CAMSAP1: variants seen among roughly 807,000 people sequenced by gnomAD.
CAMSAP1 encodes the protein calmodulin regulated spectrin associated protein 1, also known as calmodulin-regulated spectrin-associated protein 1.
CAMSAP1 carries 58 observed loss-of-function variants against 143.5 expected under a neutral mutation model. That is an observed-to-expected ratio of 0.40 (90% CI 0.33 to 0.50). CAMSAP1 has a LOEUF of 0.50. CAMSAP1 is among the 20% of genes least tolerant of loss of function. CAMSAP1 has a pLI of 0.45. For missense variants in CAMSAP1, 1,969 were observed against 2,115.7 expected, an observed-to-expected ratio of 0.93 and a Z score of 1.36; for synonymous variants, 945 against 859.3, an observed-to-expected ratio of 1.10 and a Z score of -1.74.
chr9:135,872,629 G>C (rs1272901155), intron 3 of CAMSAP1, among the ~76,000 whole-genome samples: 2 of 152,144 alleles, frequency 1.3e-5, no homozygotes, highest in Non-Finnish European at 2.9e-5. Flanking sequence ...ACTTTAAAGA[G>C]AAAGACAACA....
intron 1 of CAMSAP1, among the ~76,000 whole-genome samples, chr9:135,887,058 G>C (rs760980049): frequency 2.0e-5 from 3 of 152,172 alleles, no homozygotes; most frequent in Non-Finnish European, 2.9e-5. Flanking sequence ...GGACCAGCTG[G>C]AGACGTGCTT....
chr9:135,889,086 T>C (rs1838215309), intron 1 of CAMSAP1, among the ~76,000 whole-genome samples: 1 of 152,080 alleles, frequency 6.6e-6, no homozygotes, highest in Admixed American at 6.5e-5. Context: ...CTGTGTCACA[T>C]CCTGGCCACT....
In CAMSAP1 at chr9:135,833,509, AGGTATAC is replaced by A. The variant is rs958721528; in HGVS notation, c.1046-5932_1046-5926del. On this transcript the variant is annotated intron_variant, in intron 7 of 16. Coordinates refer to ENST00000389532, the MANE Select transcript of CAMSAP1 (RefSeq NM_015447.4). Reference sequence around the variant, plus strand: ...GACACAAGCCAATGAAACAGAATTGAGGTATACGGTTAACTAATCTTTGACAAAGGTG... The same window carrying A: ...GACACAAGCCAATGAAACAGAATTGAGGTTAACTAATCTTTGACAAAGGTG... 9.7e-4 allele frequency among the ~76,000 whole-genome samples: 148 copies of A among 152,354 alleles called. 1 individual carries two copies. The highest frequency in any genetic ancestry group is 3.5e-3 in the African/African-American group (146 of 41,570).
At chr9:135,875,835 A>G (rs912352309) in intron 3 of CAMSAP1, among the ~76,000 whole-genome samples, 1 of 152,268 alleles carries the variant, frequency 6.6e-6, no homozygotes, top group African/African-American at 2.4e-5. Context: ...AAAAACGTCT[A>G]GAAGAAAACA....
intron 1 of CAMSAP1, among the ~76,000 whole-genome samples, chr9:135,887,185 C>CA: frequency 2.0e-5 from 3 of 152,260 alleles, no homozygotes; most frequent in Non-Finnish European, 4.4e-5. Flanking sequence ...GCCCACGGGA[C>CA]AGATGTCGGG....
At chr9:135,875,091 G>C (rs902317417) in intron 3 of CAMSAP1, among the ~76,000 whole-genome samples, 2 of 152,084 alleles carry the variant, frequency 1.3e-5, no homozygotes, top group Non-Finnish European at 2.9e-5. Context: ...CAATTCTCCC[G>C]AAATTCATCT....
intron 3 of CAMSAP1, among the ~76,000 whole-genome samples, chr9:135,878,725 T>C (rs1030072388): frequency 1.3e-5 from 2 of 152,054 alleles, no homozygotes; most frequent in African/African-American, 4.8e-5. Context: ...AACTCGCACT[T>C]CCTACACACC....
chr9:135,818,765 C>CT lies in CAMSAP1; in HGVS notation c.3960-150dup, dbSNP rs1042677652. ...AGCCTCCACAAGCGGGACACAGAGG[C>CT]TGCAAAGGCAGTCCTGCAGATGACC... On this transcript the variant is annotated intron_variant, in intron 12 of 16. Coordinates refer to ENST00000389532, the MANE Select transcript of CAMSAP1 (RefSeq NM_015447.4). This position sits in a 1 kb window ranked among gnomAD's most constrained non-coding sequence, Gnocchi z 7.7. The CT allele has an allele frequency of 6.2e-6, 7 of 1,124,132 alleles. No individual in the cohort carries two copies. The African/African-American group carries it at 1.1e-4, about 18-fold the overall frequency. The allele number at this position is 1,124,132 out of a possible 1,614,324, so 69.6% of individuals were successfully genotyped here. A position where few individuals can be genotyped will look rare whatever the true frequency, so the allele number is the denominator to read the frequency against.
chr9:135,879,795 T>C (rs968936158), intron 3 of CAMSAP1, among the ~76,000 whole-genome samples: 53 of 151,988 alleles, frequency 3.5e-4, no homozygotes, highest in African/African-American at 1.3e-3. Flanking sequence ...GGAGACAACT[T>C]GACCTCCAGC....
intron 1 of CAMSAP1, among the ~76,000 whole-genome samples, chr9:135,884,639 C>T (rs898857635): frequency 2.0e-5 from 3 of 152,184 alleles, no homozygotes; most frequent in African/African-American, 7.2e-5. Flanking sequence ...TACTTGCTGA[C>T]CACATCGAGT....
At position 135,818,534 on chromosome 9, in the gene CAMSAP1, T is replaced by C; in HGVS notation, c.4042A>G (p.Lys1348Glu). ...TGCTCCTCTAGGATCTGCTGCTGCT[T>C]CCTCCGCAGGTACTCCTGCTTGATG... ...ELIKQEYLRR[K>E]QQQILEEQGL... The change falls in exon 13 of 17, where the codon AAG (lysine) becomes GAG (glutamate). Residue 1348 changes from lysine to glutamate, a missense_variant. Transcript: ENST00000389532. The surrounding 1 kb of genome is among the most constrained non-coding windows in gnomAD (Gnocchi z 7.7). 1 of 1,612,828 alleles carries C rather than the reference T, an allele frequency of 6.2e-7. No individual in the cohort carries two copies. Among genetic ancestry groups the C allele is most frequent in the Non-Finnish European group, 8.5e-7 (1 of 1,179,806 alleles).
At chr9:135,817,944 G>A in intron 14 of CAMSAP1, 33 bp downstream of exon 14, 1 of 1,594,262 alleles carries the variant, frequency 6.3e-7, no homozygotes, top group Non-Finnish European at 8.6e-7. Context: ...ACGTCCTCCA[G>A]CCCCGTGCCG....
chr9:135,869,318 C>T (rs1837489845), intron 3 of CAMSAP1, among the ~76,000 whole-genome samples: 1 of 151,580 alleles, frequency 6.6e-6, no homozygotes, highest in Non-Finnish European at 1.5e-5. Context: ...GCCTGGGCAA[C>T]ATGACGAAAC....
intron 1 of CAMSAP1, among the ~76,000 whole-genome samples, chr9:135,886,062 A>C (rs944756274): frequency 6.1e-3 from 348 of 57,320 alleles, no homozygotes; most frequent in Non-Finnish European, 0.013. Flanking sequence ...ATACCTACTT[A>C]AAAAAAAAAA....
At chr9:135,887,475 G>C (rs1838161340) in intron 1 of CAMSAP1, among the ~76,000 whole-genome samples, 1 of 152,196 alleles carries the variant, frequency 6.6e-6, no homozygotes, top group Admixed American at 6.5e-5. Context: ...AAAAAGATGT[G>C]TCTGCTTTAA....
chr9:135,828,914 A>C (rs1588451963), intron 7 of CAMSAP1, among the ~76,000 whole-genome samples: 2 of 152,246 alleles, frequency 1.3e-5, no homozygotes, highest in Middle Eastern at 3.4e-3. Flanking sequence ...AAACGCTGAA[A>C]GGACGGGAAA....
intron 1 of CAMSAP1, among the ~76,000 whole-genome samples, chr9:135,887,135 G>A (rs1838149331): frequency 6.6e-6 from 1 of 152,186 alleles, no homozygotes; most frequent in Admixed American, 6.5e-5. Context: ...AGAGCCGGGC[G>A]CAGTGGGAGA....
chr9:135,813,725 G>C (rs1000514055), intron 16 of CAMSAP1, among the ~76,000 whole-genome samples: 1 of 152,194 alleles, frequency 6.6e-6, no homozygotes, highest in African/African-American at 2.4e-5. Context: ...TGGCAAGACA[G>C]GAGGGCCTCC....
At chr9:135,906,066 C>T (rs1337930423) in intron 1 of CAMSAP1, among the ~76,000 whole-genome samples, 1 of 152,218 alleles carries the variant, frequency 6.6e-6, no homozygotes, top group African/African-American at 2.4e-5. Context: ...GTTATTTAAT[C>T]CCTAAAACTT....
Sources: allele counts gnomAD v4.1 joint callset (sites outside exome capture counted in the v4.1 genomes callset), GRCh38; gene constraint gnomAD v4.1.1; non-coding constraint Gnocchi (gnomAD v3.1); transcripts MANE v1.5; gene names NCBI Gene and HGNC (gene_info 2026-07-23, HGNC 2026-07-21).